GTSE1: variants seen among roughly 807,000 people sequenced by gnomAD.
GTSE1 encodes G2 and S-phase expressed 1, also known as G2 and S phase-expressed protein 1.
Under a neutral mutation model 60.5 loss-of-function variants are expected in GTSE1, and 52 were observed. The ratio of observed to expected loss-of-function variants is 0.86; its 90% CI spans 0.69 to 1.08. The LOEUF is 1.08. Ranked by LOEUF, GTSE1 falls within the 50% of genes least tolerant of loss-of-function variation. GTSE1 has a pLI of 0.00. For synonymous variants in GTSE1, 368 were observed against 386.5 expected (o/e 0.95, Z 0.56); for missense variants, 937 against 961.8 (o/e 0.97, Z 0.34).
At chr22:46,301,007 G>A (rs2077686357) in intron 2 of GTSE1, among the ~76,000 whole-genome samples, 1 of 152,180 alleles carries the variant, frequency 6.6e-6, no homozygotes, top group South Asian at 2.1e-4. Context: ...CATATAGCAT[G>A]GAGAGCCCTG....
intron 9 of GTSE1, among the ~76,000 whole-genome samples, chr22:46,327,642 T>C (rs1789180916): frequency 2.0e-5 from 3 of 152,146 alleles, no homozygotes; most frequent in South Asian, 2.1e-4. Flanking sequence ...ACCACTGCAC[T>C]CCAGCCTGTG....
rs180985615 is a variant in GTSE1 at position 46,324,190 on chromosome 22, C to G, written c.1505+928C>G. Among the ~76,000 whole-genome samples, 52 of 152,270 alleles carry G rather than the reference C, an allele frequency of 3.4e-4. No homozygotes were observed. Among genetic ancestry groups the G allele is most frequent in the African/African-American group, 1.2e-3 (50 of 41,550 alleles). On this transcript the variant is annotated intron_variant, in intron 8 of 11. Transcript: ENST00000454366. The surrounding 1 kb of genome is among the most constrained non-coding windows in gnomAD (Gnocchi z 5.2). ...GACACGCTTCGCGAGGTCGAACTAG[C>G]CAGTCCCTCACGTGCTGCGCATGGT...
chr22:46,297,452 G>T lies in GTSE1; in HGVS notation c.52G>T (p.Val18Leu), dbSNP rs1211523138. The change falls in exon 2 of 12, where the codon GTG (valine) becomes TTG (leucine). Residue 18 changes from valine to leucine, a missense_variant. Physicochemically the swap from Val to Leu is conservative, Grantham distance 32. Transcript: ENST00000454366. The surrounding 1 kb of genome is among the most constrained non-coding windows in gnomAD (Gnocchi z 4.9). ...DEPSACRAGD[V>L]NMDDPKKEDI... ...GCCTTCAGCCTGCCGGGCAGGGGAC[G>T]TGAACATGGATGACCCTAAGAAGGA... 3.7e-6 allele frequency: 6 copies of T among 1,613,444 alleles called. No homozygotes were observed. In the East Asian group the frequency reaches 1.3e-4, roughly 36 times the overall value.
chr22:46,317,254 ACCGTG>A lies in GTSE1; in HGVS notation c.1432+845_1432+849del, dbSNP rs1309427087. On this transcript the variant is annotated intron_variant, in intron 7 of 11. Transcript: ENST00000454366. This position sits in a 1 kb window ranked among gnomAD's most constrained non-coding sequence, Gnocchi z 5.6. Reference sequence around the variant, plus strand: ...ACTGCTGGGATTATAGGTGTGAGCCACCGTGCCCGGCCCAGCCTTTTTCCTTGAGC... The same window carrying A: ...ACTGCTGGGATTATAGGTGTGAGCCACCCGGCCCAGCCTTTTTCCTTGAGC... Among the ~76,000 whole-genome samples the A allele has an allele frequency of 6.6e-6, 1 of 152,206 alleles. No homozygotes were observed. Among genetic ancestry groups the A allele is most frequent in the East Asian group, 1.9e-4 (1 of 5,202 alleles).
At chr22:46,315,065 G>GTT (rs34334377) in intron 6 of GTSE1, among the ~76,000 whole-genome samples, 24 of 137,796 alleles carry the variant, frequency 1.7e-4, no homozygotes, top group East Asian at 4.5e-4. Context: ...ATTTTTGTGG[G>GTT]TTTTTTTTTT....
At chr22:46,308,278 A>G (rs1178672027) in intron 3 of GTSE1, 41 bp from the exon 4 acceptor site, 2 of 1,605,636 alleles carry the variant, frequency 1.2e-6, no homozygotes, top group East Asian at 4.5e-5. Context: ...TTTAAATGCC[A>G]GTGTTATGAG....
At chr22:46,315,144 T>C (rs751181273) in intron 6 of GTSE1, among the ~76,000 whole-genome samples, 3 of 149,122 alleles carry the variant, frequency 2.0e-5, no homozygotes, top group Non-Finnish European at 4.4e-5. Flanking sequence ...CTACAACCTC[T>C]GCCTCCCGGG....
rs1050148298 is a variant in GTSE1 at position 46,318,855 on chromosome 22, C to G, written c.1432+2443C>G. 5.3e-5 allele frequency among the ~76,000 whole-genome samples: 8 copies of G among 152,132 alleles called. No individual in the cohort carries two copies. The highest frequency in any genetic ancestry group is 1.9e-4 in the African/African-American group (8 of 41,432). The stretch of plus-strand genomic sequence containing the variant: ...CCAGGCTTACTCCATCCTGTGCTGC[C>G]GTGATGAGCTTCTCATCCTCATGGT... On this transcript the variant is annotated intron_variant, in intron 7 of 11. Transcript: ENST00000454366. This position sits in a 1 kb window ranked among gnomAD's most constrained non-coding sequence, Gnocchi z 4.8.
At chr22:46,299,734 C>G (rs2077678437) in intron 2 of GTSE1, among the ~76,000 whole-genome samples, 1 of 152,186 alleles carries the variant, frequency 6.6e-6, no homozygotes, top group African/African-American at 2.4e-5. Context: ...ACTTTCTACA[C>G]AGTAACGTCA....
rs536367953 is a variant in GTSE1, at chr22:46,316,689, T to C, written c.1432+277T>C. ...GTGTTACTGTCGGGAATTTGATTAT[T>C]ATGTGCTTTGAGGTGGCTTTCTTTG... On this transcript the variant is annotated intron_variant, in intron 7 of 11. Transcript: ENST00000454366. The surrounding 1 kb of genome is among the most constrained non-coding windows in gnomAD (Gnocchi z 5.0). 3.3e-5 allele frequency among the ~76,000 whole-genome samples: 5 copies of C among 152,324 alleles called. No individual in the cohort carries two copies. The South Asian group carries it at 1.0e-3, about 32-fold the overall frequency.
chr22:46,301,802 T>C (rs2077690917), intron 2 of GTSE1, among the ~76,000 whole-genome samples: 1 of 152,142 alleles, frequency 6.6e-6, no homozygotes, highest in Non-Finnish European at 1.5e-5. Flanking sequence ...TTACTCTTAT[T>C]TTTGAGTGAG....
At position 46,329,901 on chromosome 22, in the gene GTSE1, G is replaced by A. The variant is rs895170711; in HGVS notation, c.2137-146G>A. 2.2e-5 allele frequency: 14 copies of A among 640,214 alleles called. No homozygotes were observed. Among genetic ancestry groups the A allele is most frequent in the Non-Finnish European group, 2.8e-5 (10 of 354,260 alleles). 39.7% of individuals were successfully genotyped at this position (640,214 alleles called of 1,614,324 possible). A position where few individuals can be genotyped will look rare whatever the true frequency, so the allele number is the denominator to read the frequency against. On this transcript the variant is annotated intron_variant, in intron 11 of 11. Transcript: ENST00000454366. The surrounding 1 kb of genome is among the most constrained non-coding windows in gnomAD (Gnocchi z 6.4). Reference sequence around the variant, plus strand: ...CCTGTCTCCTTCCAGCTTCTTAGACGTGGTGGCCCAGAGTGCTTTTCAGTG... The same window carrying A: ...CCTGTCTCCTTCCAGCTTCTTAGACATGGTGGCCCAGAGTGCTTTTCAGTG...
chr22:46,321,343 G>A lies in GTSE1; in HGVS notation c.1433-1847G>A, dbSNP rs1373173508. ...TACTTGAACCCAGGAGTTCAAGGCTGCAGTGAGCAGTGATCAAGCCACTGC... is the reference window on the plus strand; with the variant it reads ...TACTTGAACCCAGGAGTTCAAGGCTACAGTGAGCAGTGATCAAGCCACTGC... On this transcript the variant is annotated intron_variant, in intron 7 of 11. Coordinates refer to ENST00000454366, the MANE Select transcript of GTSE1 (RefSeq NM_016426.7). This position sits in a 1 kb window ranked among gnomAD's most constrained non-coding sequence, Gnocchi z 4.0. Among the ~76,000 whole-genome samples, 2 of 152,226 alleles carry A rather than the reference G, an allele frequency of 1.3e-5. No homozygotes were observed. Among genetic ancestry groups the A allele is most frequent in the Non-Finnish European group, 2.9e-5 (2 of 68,040 alleles).
In GTSE1 at chr22:46,319,453, A is replaced by G. The variant is rs781000458; in HGVS notation, c.1432+3041A>G. ...TCTGGTAGCTTAGGGCTCATGTGGCAGTGCAGAGAGGGACTCGAGTGTCCC... is the reference window on the plus strand; with the variant it reads ...TCTGGTAGCTTAGGGCTCATGTGGCGGTGCAGAGAGGGACTCGAGTGTCCC... On this transcript the variant is annotated intron_variant, in intron 7 of 11. Coordinates refer to ENST00000454366, the MANE Select transcript of GTSE1 (RefSeq NM_016426.7). The surrounding 1 kb of genome is among the most constrained non-coding windows in gnomAD (Gnocchi z 5.0). Among the ~76,000 whole-genome samples, 3 of 152,160 alleles carry G rather than the reference A, an allele frequency of 2.0e-5. No homozygotes were observed. The highest frequency in any genetic ancestry group is 4.4e-5 in the Non-Finnish European group (3 of 68,008).
chr22:46,307,224 C>T, intron 2 of GTSE1, among the ~76,000 whole-genome samples: 1 of 152,186 alleles, frequency 6.6e-6, no homozygotes, highest in East Asian at 1.9e-4. Flanking sequence ...CTCCAAGAAG[C>T]AATGGCGGTC....
intron 2 of GTSE1, among the ~76,000 whole-genome samples, chr22:46,301,214 A>G (rs530176909): frequency 6.6e-6 from 1 of 152,310 alleles, no homozygotes; most frequent in East Asian, 1.9e-4. Context: ...ATAACTGTGG[A>G]CACCGTGTAA....
At position 46,309,671 on chromosome 22, in the gene GTSE1, C is replaced by G. The variant is rs536926143; in HGVS notation, c.762+728C>G. Reference sequence around the variant, plus strand: ...AGAAATTCCTTTACCCCCACCAAGCCCATCTCCTGAGCCACATGACTCCCT... The same window carrying G: ...AGAAATTCCTTTACCCCCACCAAGCGCATCTCCTGAGCCACATGACTCCCT... On this transcript the variant is annotated intron_variant, in intron 4 of 11. Coordinates refer to ENST00000454366, the MANE Select transcript of GTSE1 (RefSeq NM_016426.7). The surrounding 1 kb of genome is among the most constrained non-coding windows in gnomAD (Gnocchi z 6.2). 2.0e-5 allele frequency among the ~76,000 whole-genome samples: 3 copies of G among 152,194 alleles called. No individual in the cohort carries two copies. Among genetic ancestry groups the G allele is most frequent in the Non-Finnish European group, 1.5e-5 (1 of 68,042 alleles).
rs1049568854 is a variant in GTSE1, at chr22:46,304,422, G to A, written c.80-3728G>A. On this transcript the variant is annotated intron_variant, in intron 2 of 11. Coordinates refer to ENST00000454366, the MANE Select transcript of GTSE1 (RefSeq NM_016426.7). The surrounding 1 kb of genome is among the most constrained non-coding windows in gnomAD (Gnocchi z 4.4). ...GAACCTAATGCTGGCTTTGGGTTGA[G>A]ATGGGGATTTCCTTATATATCTATT... is the stretch of plus-strand genomic sequence containing the variant. 1.3e-5 allele frequency among the ~76,000 whole-genome samples: 2 copies of A among 152,194 alleles called. No individual in the cohort carries two copies. The highest frequency in any genetic ancestry group is 4.8e-5 in the African/African-American group (2 of 41,444).
chr22:46,325,029 T>C (rs996390565), intron 8 of GTSE1, among the ~76,000 whole-genome samples: 3 of 152,192 alleles, frequency 2.0e-5, no homozygotes, highest in Non-Finnish European at 4.4e-5. Flanking sequence ...CTATCGACTA[T>C]GTAGCTTGAA....
Sources: gnomAD v4.1 joint callset for allele counts (sites outside exome capture counted in the v4.1 genomes callset) on GRCh38, gnomAD v4.1.1 for gene constraint, Gnocchi (gnomAD v3.1) non-coding constraint, MANE v1.5 for transcripts, NCBI Gene and HGNC (gene_info 2026-07-23, HGNC 2026-07-21) for gene names.